Variants in GALNT11 observed in about 807,000 individuals in gnomAD.
The protein encoded by GALNT11 is UDP-GalNAc:polypeptide N-acetylgalactosaminyltransferase 11.
Under a neutral mutation model 72.7 loss-of-function variants are expected in GALNT11, and 47 were observed. The observed-to-expected ratio is 0.65, with a 90% CI of 0.51 to 0.82. The LOEUF is 0.82. Among genes scored for constraint, GALNT11 ranks in the 40% least tolerant of loss-of-function variants. The probability of loss-of-function intolerance (pLI) is 0.00; values close to 1 mark genes in which losing one functional copy is unlikely to be tolerated. For missense variants in GALNT11, 677 were observed against 778.4 expected (o/e 0.87, Z 1.55); for synonymous variants, 270 against 286.6 (o/e 0.94, Z 0.58).
At chr7:152,065,880 T>TG (rs1263370256) in intron 1 of GALNT11, among the ~76,000 whole-genome samples, 1 of 152,190 alleles carries the variant, frequency 6.6e-6, no homozygotes, top group African/African-American at 2.4e-5. Flanking sequence ...TTAGGCTACT[T>TG]GGGGGTCAGG....
intron 1 of GALNT11, among the ~76,000 whole-genome samples, chr7:152,026,858 C>G (rs1436784891): frequency 6.6e-6 from 1 of 152,236 alleles, no homozygotes; most frequent in Non-Finnish European, 1.5e-5. Flanking sequence ...TAAAACTAGG[C>G]TGTGCCCCCA....
In GALNT11 at chr7:152,093,010, C is replaced by T. The variant is rs1728780222; in HGVS notation, c.-38-1180C>T. On this transcript the variant is annotated intron_variant, in intron 1 of 11. Transcript: ENST00000430044. ...TTGGGAGGCCAAGGCGGGCAGATCA[C>T]CTGAGGTCAGGAGTTTGAGAGCAGC... 1.3e-5 allele frequency among the ~76,000 whole-genome samples: 2 copies of T among 152,154 alleles called. 1 individual carries two copies. The highest frequency in any genetic ancestry group is 4.1e-4 in the South Asian group (2 of 4,836).
At chr7:152,107,916 T>C (rs779318467) in intron 5 of GALNT11, 122 bp from the exon 6 acceptor site, 11 of 1,198,686 alleles carry the variant, frequency 9.2e-6, no homozygotes, top group Non-Finnish European at 1.3e-5. Context: ...TTAGGCCGTC[T>C]GGGGCTGGGA....
chr7:152,028,759 G>T (rs577299490), intron 1 of GALNT11, among the ~76,000 whole-genome samples: 4 of 152,298 alleles, frequency 2.6e-5, no homozygotes, highest in Non-Finnish European at 2.9e-5. Flanking sequence ...GCTGGATAGG[G>T]GTGAAGAAGG....
intron 1 of GALNT11, among the ~76,000 whole-genome samples, chr7:152,036,024 A>G (rs558892214): frequency 2.0e-5 from 3 of 152,118 alleles, no homozygotes; most frequent in Non-Finnish European, 4.4e-5. Context: ...GTCCTTGCGC[A>G]TTTGGACTGG....
At chr7:152,102,874 G>A (rs747143658) in intron 3 of GALNT11, among the ~76,000 whole-genome samples, 7 of 150,406 alleles carry the variant, frequency 4.7e-5, no homozygotes, top group Non-Finnish European at 1.0e-4. Context: ...CCAGCTCCTC[G>A]GGAGGCTGAG....
Position 152,094,169 on chromosome 7 carries a change from ATATT to A in GALNT11, c.-38-16_-38-13del, listed in dbSNP as rs2086223689. 1 of 1,517,620 alleles carries A rather than the reference ATATT, an allele frequency of 6.6e-7. No homozygotes were observed. Among genetic ancestry groups the A allele is most frequent in the South Asian group, 1.3e-5 (1 of 75,580 alleles). The allele number at this position is 1,517,620 out of a possible 1,614,324, so 94.0% of individuals were successfully genotyped here. A position where few individuals can be genotyped will look rare whatever the true frequency, so the allele number is the denominator to read the frequency against. ...TTTAAAGTATACTGAAGTGTCTAAC[ATATT>A]TATTCTTCTTTTTTAGGAAATTGAC... On this transcript the variant is annotated splice_polypyrimidine_tract_variant and intron_variant, in intron 1 of 11. Transcript: ENST00000430044. This position sits in a 1 kb window ranked among gnomAD's most constrained non-coding sequence, Gnocchi z 4.3.
chr7:152,084,792 A>G (rs908174181), intron 1 of GALNT11, among the ~76,000 whole-genome samples: 6 of 152,224 alleles, frequency 3.9e-5, no homozygotes, highest in Non-Finnish European at 7.3e-5. Flanking sequence ...GCGCTATGCT[A>G]AATATATGGG....
intron 1 of GALNT11, among the ~76,000 whole-genome samples, chr7:152,041,474 G>C (rs1041132526): frequency 6.6e-6 from 1 of 152,218 alleles, no homozygotes; most frequent in African/African-American, 2.4e-5. Flanking sequence ...TATCAGAGTA[G>C]TGACTTGATC....
At chr7:152,083,847 G>A (rs1198443258) in intron 1 of GALNT11, among the ~76,000 whole-genome samples, 1 of 152,108 alleles carries the variant, frequency 6.6e-6, no homozygotes, top group African/African-American at 2.4e-5. Flanking sequence ...CTTTCCATTA[G>A]TTCAGGTCTT....
At chr7:152,037,484 G>A (rs2082636168) in intron 1 of GALNT11, among the ~76,000 whole-genome samples, 1 of 152,136 alleles carries the variant, frequency 6.6e-6, no homozygotes, top group African/African-American at 2.4e-5. Context: ...ATAATTTGAA[G>A]TTGTAATTTG....
In GALNT11 at chr7:152,041,686, T is replaced by G. The variant is rs1479593481; in HGVS notation, c.-39+15802T>G. The stretch of plus-strand genomic sequence containing the variant: ...CTCTGCCTCAGCTTCCTTTGTTAAT[T>G]GCCAAGGGCTAGTGAGACTAGGATC... On this transcript the variant is annotated intron_variant, in intron 1 of 11. Coordinates refer to ENST00000430044, the MANE Select transcript of GALNT11 (RefSeq NM_022087.4). Among the ~76,000 whole-genome samples, 3 of 152,362 alleles carry G rather than the reference T, an allele frequency of 2.0e-5. No individual in the cohort carries two copies. In the East Asian group the frequency reaches 5.8e-4, roughly 29 times the overall value.
At chr7:152,037,313 G>A (rs574820083) in intron 1 of GALNT11, among the ~76,000 whole-genome samples, 6 of 152,256 alleles carry the variant, frequency 3.9e-5, no homozygotes, top group Non-Finnish European at 7.4e-5. Context: ...ATTTATTGAA[G>A]AGACTCTCCT....
chr7:152,116,833 TTTAA>T (rs2088908507), intron 8 of GALNT11: 3 of 487,506 alleles, frequency 6.2e-6, no homozygotes, highest in South Asian at 3.2e-5. Context: ...GTAATGAGTA[TTTAA>T]TTATTTTAAG....
intron 1 of GALNT11, among the ~76,000 whole-genome samples, chr7:152,053,691 T>G (rs1473578380): frequency 6.6e-6 from 1 of 152,238 alleles, no homozygotes; most frequent in Non-Finnish European, 1.5e-5. Flanking sequence ...GTTGTCAGAC[T>G]GCTTTTAAAA....
intron 1 of GALNT11, among the ~76,000 whole-genome samples, chr7:152,057,170 T>C (rs993904548): frequency 2.0e-5 from 3 of 151,964 alleles, no homozygotes; most frequent in African/African-American, 7.3e-5. Context: ...TACTTTCTTT[T>C]TTAAAAAGCA....
At chr7:152,086,698 G>A (rs13437793) in intron 1 of GALNT11, among the ~76,000 whole-genome samples, 8,522 of 152,256 alleles carry the variant, frequency 0.056, 807 homozygotes, top group African/African-American at 0.2. Flanking sequence ...TTAGGTGCTG[G>A]CAGGTAGCCA....
intron 1 of GALNT11, among the ~76,000 whole-genome samples, chr7:152,091,625 A>T (rs2086046379): frequency 6.6e-6 from 1 of 152,076 alleles, no homozygotes; most frequent in South Asian, 2.1e-4. Context: ...TGATCTGCCC[A>T]CTTTAGCCTT....
chr7:152,025,821 GC>G lies in GALNT11; in HGVS notation c.-101del. 1 of 274,992 alleles carries G rather than the reference GC, an allele frequency of 3.6e-6. No homozygotes were observed. Among genetic ancestry groups the G allele is most frequent in the Non-Finnish European group, 7.9e-6 (1 of 127,114 alleles). The allele number at this position is 274,992 out of a possible 1,614,324, so 17.0% of individuals were successfully genotyped here. On this transcript the variant is annotated 5_prime_UTR_variant, in exon 1 of 12. Coordinates refer to ENST00000430044, the MANE Select transcript of GALNT11 (RefSeq NM_022087.4). ...TCCTGCGGGTCGGACTGGGGCTGTG[GC>G]GGGAGAGAAGATGCCGCAGCCCGAG... is the stretch of plus-strand genomic sequence containing the variant.
Sources: gnomAD v4.1 joint callset for allele counts (sites outside exome capture counted in the v4.1 genomes callset) on GRCh38, gnomAD v4.1.1 for gene constraint, Gnocchi (gnomAD v3.1) non-coding constraint, MANE v1.5 for transcripts, NCBI Gene and HGNC (gene_info 2026-07-23, HGNC 2026-07-21) for gene names.